CEP89: variants seen among roughly 807,000 people sequenced by gnomAD.
CEP89 encodes centrosomal protein 89, also known as centrosomal protein of 89 kDa.
CEP89 carries 95 observed loss-of-function variants against 97.6 expected under a neutral mutation model. That is an observed-to-expected ratio of 0.97 (90% CI 0.82 to 1.15). The LOEUF is 1.15. Ranked by LOEUF, CEP89 falls within the 50% of genes most tolerant of loss-of-function variation. The probability of loss-of-function intolerance (pLI) is 0.00; values close to 1 mark genes in which losing one functional copy is unlikely to be tolerated. For missense variants in CEP89, 869 were observed against 947.7 expected (o/e 0.92, Z 1.09); for synonymous variants, 354 against 349.1 (o/e 1.01, Z -0.16).
At chr19:32,902,560 C>T (rs11883019) in intron 14 of CEP89, among the ~76,000 whole-genome samples, 4,568 of 152,242 alleles carry the variant, frequency 0.03, 241 homozygotes, top group African/African-American at 0.1. Flanking sequence ...CAACAGTTTT[C>T]GGACTTTGGA....
At chr19:32,940,176 T>C (rs987157169) in intron 5 of CEP89, among the ~76,000 whole-genome samples, 2 of 148,076 alleles carry the variant, frequency 1.4e-5, no homozygotes, top group African/African-American at 5.0e-5. Flanking sequence ...ATGCCAGGCT[T>C]CTCCTCTCCT....
Position 32,966,126 on chromosome 19 carries a change from C to T in CEP89, c.146+234G>A, listed in dbSNP as rs79471222. The T allele has an allele frequency of 2.0e-3, 773 of 382,222 alleles. 7 individuals carry two copies. Among genetic ancestry groups the T allele is most frequent in the African/African-American group, 0.015 (704 of 48,366 alleles). 23.7% of individuals were successfully genotyped at this position (382,222 alleles called of 1,614,324 possible). ...TTTTTTTTTAAATACTCATTGCATTCAATCATGAAATGTGAGAAGTTCATG... is the reference window on the plus strand; with the variant it reads ...TTTTTTTTTAAATACTCATTGCATTTAATCATGAAATGTGAGAAGTTCATG... On this transcript the variant is annotated intron_variant, in intron 2 of 18. Coordinates refer to ENST00000305768, the MANE Select transcript of CEP89 (RefSeq NM_032816.5).
chr19:32,899,250 T>C (rs1205224924), intron 16 of CEP89, among the ~76,000 whole-genome samples: 2 of 151,826 alleles, frequency 1.3e-5, no homozygotes, highest in Non-Finnish European at 2.9e-5. Flanking sequence ...CCTACCTGAG[T>C]TTCCTGAGTA....
chr19:32,887,691 A>G (rs1206456129), intron 17 of CEP89, 61 bp downstream of exon 17: 1 of 989,520 alleles, frequency 1.0e-6, no homozygotes, highest in Non-Finnish European at 1.6e-6. Context: ...ACAAAAATCC[A>G]CAGCAGTGAG....
At chr19:32,941,802 A>G (rs1043769547) in intron 5 of CEP89, among the ~76,000 whole-genome samples, 1 of 152,026 alleles carries the variant, frequency 6.6e-6, no homozygotes. Flanking sequence ...TGCAATCTGC[A>G]TCTCCTCCTC....
intron 14 of CEP89, among the ~76,000 whole-genome samples, 157 bp from the exon 15 acceptor site, chr19:32,901,569 C>T (rs11671957): frequency 0.15 from 22,208 of 152,014 alleles, 1,991 homozygotes; most frequent in Non-Finnish European, 0.21. Flanking sequence ...ATCCTGGGCC[C>T]TAGAGGACCT....
Position 32,877,775 on chromosome 19 carries a change from AT to A in CEP89, c.*1386del, listed in dbSNP as rs758490467. The stretch of plus-strand genomic sequence containing the variant: ...AGACCCCATCTCTACCAAAAAAAAA[AT>A]TTTTTTTTTTTGAGACAAAGTCTCG... On this transcript the variant is annotated 3_prime_UTR_variant, in exon 19 of 19. Coordinates refer to ENST00000305768, the MANE Select transcript of CEP89 (RefSeq NM_032816.5). 147 of 147,450 alleles carry A rather than the reference AT, an allele frequency of 1.0e-3. 1 individual carries two copies. Among genetic ancestry groups the A allele is most frequent in the African/African-American group, 3.3e-3 (135 of 40,356 alleles). The allele number at this position is 147,450 out of a possible 1,614,324, so 9.1% of individuals were successfully genotyped here. A position where few individuals can be genotyped will look rare whatever the true frequency, so the allele number is the denominator to read the frequency against.
chr19:32,909,913 G>A (rs2145899593), intron 14 of CEP89, among the ~76,000 whole-genome samples: 1 of 151,994 alleles, frequency 6.6e-6, no homozygotes, highest in Admixed American at 6.6e-5. Context: ...TGCAGCGAAT[G>A]AAAAAAAGAC....
At chr19:32,903,569 A>C (rs1236975207) in intron 14 of CEP89, among the ~76,000 whole-genome samples, 1 of 152,234 alleles carries the variant, frequency 6.6e-6, no homozygotes, top group Admixed American at 6.5e-5. Flanking sequence ...GGGAAAAATC[A>C]TTACACAAAG....
intron 1 of CEP89, chr19:32,969,189 T>C (rs1257825697): frequency 2.0e-5 from 3 of 152,314 alleles, no homozygotes; most frequent in Admixed American, 1.3e-4. Context: ...CGTCTCCAGC[T>C]ATCAGCAGAG....
At chr19:32,881,214 T>A (rs184860897) in intron 18 of CEP89, among the ~76,000 whole-genome samples, 6 of 152,272 alleles carry the variant, frequency 3.9e-5, no homozygotes, top group Non-Finnish European at 8.8e-5. Flanking sequence ...GGCAGGAGGA[T>A]GGCTTGAGCC....
chr19:32,938,823 ACCTGT>A (rs1342998077), intron 6 of CEP89, among the ~76,000 whole-genome samples: 1 of 152,098 alleles, frequency 6.6e-6, no homozygotes, highest in Non-Finnish European at 1.5e-5. Context: ...GGTGGCATGC[ACCTGT>A]GGTCCTAGCT....
intron 14 of CEP89, among the ~76,000 whole-genome samples, chr19:32,902,010 C>CTGTGTGTGTG (rs929591410): frequency 0.1 from 13,710 of 133,608 alleles, 840 homozygotes; most frequent in Non-Finnish European, 0.15. Context: ...CTCTCTCTCT[C>CTGTGTGTGTG]TGTGTGTGTG....
Position 32,944,220 on chromosome 19 carries a change from T to TAAAAAAAAAAAAAAAAAAA in CEP89, c.595+4045_595+4046insTTTTTTTTTTTTTTTTTTT, listed in dbSNP as rs750448528. Among the ~76,000 whole-genome samples the TAAAAAAAAAAAAAAAAAAA allele has an allele frequency of 9.9e-4, 62 of 62,402 alleles. 12 individuals carry two copies. The highest frequency in any genetic ancestry group is 1.4e-3 in the South Asian group (2 of 1,418). The allele number at this position is 62,402 out of a possible 152,430, so 40.9% of individuals were successfully genotyped here. On this transcript the variant is annotated intron_variant, in intron 5 of 18. Transcript: ENST00000305768. Reference sequence around the variant, plus strand: ...GCCTGGGCAACAGAGTGAGACCCTGTAAAAAAAAAAAAAAAAAGACTCTTC... The same window carrying TAAAAAAAAAAAAAAAAAAA: ...GCCTGGGCAACAGAGTGAGACCCTGTAAAAAAAAAAAAAAAAAAAAAAAAAAAAAAAAAAAAGACTCTTC...
chr19:32,896,411 T>C (rs574529221), intron 16 of CEP89, among the ~76,000 whole-genome samples: 11 of 152,208 alleles, frequency 7.2e-5, no homozygotes, highest in African/African-American at 2.6e-4. Context: ...AAATTGGATA[T>C]CCATATACAG....
rs1287979945 is a variant in CEP89, at chr19:32,876,945, A to C, written c.*2217T>G. 6.6e-6 allele frequency: 1 copy of C among 152,286 alleles called. No homozygotes were observed. The highest frequency in any genetic ancestry group is 2.4e-5 in the African/African-American group (1 of 41,478). 9.4% of individuals were successfully genotyped at this position (152,286 alleles called of 1,614,324 possible). The stretch of plus-strand genomic sequence containing the variant: ...TAAAAGGCAGAAAGACAGGGATGTC[A>C]ACAGTGGTTCTCTAGGTCACGATGG... On this transcript the variant is annotated 3_prime_UTR_variant, in exon 19 of 19. Coordinates refer to ENST00000305768, the MANE Select transcript of CEP89 (RefSeq NM_032816.5).
chr19:32,953,668 C>G lies in CEP89; in HGVS notation c.439G>C (p.Glu147Gln), dbSNP rs1036012115. Residue 147 changes from glutamate to glutamine, a missense_variant, in exon 4 of 19, where the codon GAG becomes CAG. Coordinates refer to ENST00000305768, the MANE Select transcript of CEP89 (RefSeq NM_032816.5). ...GKELGDVSAREDRGGHSDDLY... is the reference protein window; with the variant it reads ...GKELGDVSARQDRGGHSDDLY... The stretch of plus-strand genomic sequence containing the variant: ...TCATCACTGTGGCCTCCTCTGTCCT[C>G]CCGGGCACTGACATCCCCCAATTCC... The G allele has an allele frequency of 1.2e-6, 2 of 1,614,074 alleles. No individual in the cohort carries two copies. The highest frequency in any genetic ancestry group is 1.1e-5 in the South Asian group (1 of 91,074).
At chr19:32,958,783 G>A (rs1470656057) in intron 3 of CEP89, among the ~76,000 whole-genome samples, 9 of 152,066 alleles carry the variant, frequency 5.9e-5, no homozygotes, top group Non-Finnish European at 1.0e-4. Context: ...TTGGGAGGCC[G>A]AGGCGGGTGG....
intron 14 of CEP89, among the ~76,000 whole-genome samples, chr19:32,912,528 C>G (rs1371248201): frequency 6.6e-6 from 1 of 152,150 alleles, no homozygotes; most frequent in East Asian, 1.9e-4. Context: ...TTGAGCTTGC[C>G]TGCCCCCACA....
Sources: allele counts gnomAD v4.1 joint callset (sites outside exome capture counted in the v4.1 genomes callset), GRCh38; gene constraint gnomAD v4.1.1; transcripts MANE v1.5; gene names NCBI Gene and HGNC (gene_info 2026-07-23, HGNC 2026-07-21).